ST7: variants seen among roughly 807,000 people sequenced by gnomAD.
ST7 encodes the protein suppressor of tumorigenicity 7 protein.
Under a neutral mutation model 78.7 loss-of-function variants are expected in ST7, and 28 were observed. That is an observed-to-expected ratio of 0.36 (90% confidence interval 0.26 to 0.49). The LOEUF is 0.49. Among genes scored for constraint, ST7 ranks in the 20% least tolerant of loss-of-function variants. The pLI, the probability that ST7 is intolerant of heterozygous loss-of-function variation, is 0.99. For missense variants in ST7, 418 were observed against 696.0 expected, an observed-to-expected ratio of 0.60 and a Z score of 4.49; for synonymous variants, 247 against 249.6, an observed-to-expected ratio of 0.99 and a Z score of 0.10.
chr7:117,114,948 C>T (rs1234078953), intron 2 of ST7, among the ~76,000 whole-genome samples: 1 of 152,166 alleles, frequency 6.6e-6, no homozygotes, highest in Admixed American at 6.5e-5. Flanking sequence ...CCCCCAGCTC[C>T]CAGCCCCAGT....
intron 7 of ST7, among the ~76,000 whole-genome samples, chr7:117,135,304 T>A (rs1384969104): frequency 6.6e-6 from 1 of 152,104 alleles, no homozygotes; most frequent in Non-Finnish European, 1.5e-5. Context: ...TGAGATGATA[T>A]ATGTTAAGTG....
intron 10 of ST7, among the ~76,000 whole-genome samples, chr7:117,187,131 A>G (rs962167260): frequency 6.6e-6 from 1 of 152,226 alleles, no homozygotes; most frequent in African/African-American, 2.4e-5. Context: ...TGCTATTACC[A>G]AGTAGATGTA....
chr7:116,982,855 A>G (rs1415776744), intron 1 of ST7, among the ~76,000 whole-genome samples: 1 of 152,162 alleles, frequency 6.6e-6, no homozygotes, highest in African/African-American at 2.4e-5. Flanking sequence ...AAGGGAATAT[A>G]TGTATATATT....
At chr7:117,173,927 G>A (rs1027429922) in intron 10 of ST7, among the ~76,000 whole-genome samples, 12 of 151,946 alleles carry the variant, frequency 7.9e-5, no homozygotes, top group Admixed American at 2.6e-4. Flanking sequence ...GCCAGGGATG[G>A]GGGTGTCGAA....
chr7:117,143,894 A>G (rs1223696116), intron 9 of ST7, among the ~76,000 whole-genome samples: 1 of 152,200 alleles, frequency 6.6e-6, no homozygotes, highest in Non-Finnish European at 1.5e-5. Flanking sequence ...CCATTTTTTC[A>G]ATTAAAAATA....
chr7:117,222,905 C>A (rs1793199283), intron 15 of ST7: 1 of 1,613,992 alleles, frequency 6.2e-7, no homozygotes, highest in Admixed American at 1.7e-5. Context: ...ACTGGAATTG[C>A]AAGAGTATTT....
At chr7:117,055,370 T>C (rs546385185) in intron 1 of ST7, among the ~76,000 whole-genome samples, 18 of 152,168 alleles carry the variant, frequency 1.2e-4, no homozygotes, top group African/African-American at 4.3e-4. Flanking sequence ...ACCTGGCTAA[T>C]TTTTTGTATT....
In ST7 at chr7:117,119,677, T is replaced by C; in HGVS notation, c.351T>C (p.Asn117=). 1 of 1,613,754 alleles carries C rather than the reference T, an allele frequency of 6.2e-7. No homozygotes were observed. Among genetic ancestry groups the C allele is most frequent in the Non-Finnish European group, 8.5e-7 (1 of 1,179,964 alleles). ...ACAACAACTCTTCCAACAATTCTAA[T>C]TCCAGTAACGGGGACTCAGATTCCA... ...GVDNNSSNNS[N]SSNGDSDSNR... is the part of the protein sequence containing the mutation. Residue 117 remains asparagine, a synonymous_variant, in exon 3 of 16, where the codon AAT becomes AAC. Coordinates refer to ENST00000323984, the MANE Select transcript of ST7 (RefSeq NM_001369598.1).
intron 2 of ST7, 65 bp downstream of exon 2, chr7:117,099,909 A>G: frequency 1.6e-6 from 2 of 1,283,738 alleles, no homozygotes; most frequent in Non-Finnish European, 2.2e-6. Context: ...TAGTGTATGT[A>G]CAGTAAAAAA....
At chr7:117,133,816 C>T (rs1475184747) in intron 6 of ST7, among the ~76,000 whole-genome samples, 3 of 151,696 alleles carry the variant, frequency 2.0e-5, no homozygotes, top group African/African-American at 7.3e-5. Context: ...TAAAATATGT[C>T]CTTTAAAAAT....
At chr7:117,129,099 A>G (rs1804114763) in intron 3 of ST7, among the ~76,000 whole-genome samples, 1 of 151,822 alleles carries the variant, frequency 6.6e-6, no homozygotes, top group Non-Finnish European at 1.5e-5. Context: ...CTTTTGTTCT[A>G]AATTTCTGTG....
At chr7:117,055,163 T>A (rs931562432) in intron 1 of ST7, among the ~76,000 whole-genome samples, 1 of 152,124 alleles carries the variant, frequency 6.6e-6, no homozygotes, top group Non-Finnish European at 1.5e-5. Context: ...ACTGTTGTTA[T>A]CTCCCAATTT....
chr7:117,176,894 G>A (rs1332493747), intron 10 of ST7, among the ~76,000 whole-genome samples: 3 of 152,200 alleles, frequency 2.0e-5, no homozygotes, highest in Non-Finnish European at 4.4e-5. Flanking sequence ...TTGGTATGCT[G>A]TCAGTTTCTA....
intron 12 of ST7, among the ~76,000 whole-genome samples, chr7:117,201,311 A>C (rs549193179): frequency 1.1e-4 from 16 of 152,304 alleles, no homozygotes; most frequent in African/African-American, 3.4e-4. Flanking sequence ...GTTTTTAGCC[A>C]CATTTCTCAG....
intron 1 of ST7, among the ~76,000 whole-genome samples, chr7:117,013,925 A>G (rs1795486221): frequency 6.6e-6 from 1 of 152,266 alleles, no homozygotes; most frequent in Non-Finnish European, 1.5e-5. Flanking sequence ...AATTTGTATT[A>G]CGCACTTTTG....
intron 1 of ST7, among the ~76,000 whole-genome samples, chr7:117,032,888 T>C (rs1796675126): frequency 6.6e-6 from 1 of 152,226 alleles, no homozygotes; most frequent in Admixed American, 6.5e-5. Flanking sequence ...TTTTCTAAGT[T>C]AGTTCCAGGC....
intron 1 of ST7, among the ~76,000 whole-genome samples, chr7:117,075,953 C>G (rs150895173): frequency 2.3e-3 from 347 of 152,332 alleles, no homozygotes; most frequent in African/African-American, 7.7e-3. Context: ...AGAACTGAAA[C>G]CAGATCCCTG....
intron 9 of ST7, among the ~76,000 whole-genome samples, chr7:117,161,013 G>T (rs1807099027): frequency 6.6e-6 from 1 of 151,976 alleles, no homozygotes; most frequent in African/African-American, 2.4e-5. Context: ...TATTATTATA[G>T]AATTCAAGTA....
At chr7:117,162,743 C>T (rs1807256646) in intron 9 of ST7, among the ~76,000 whole-genome samples, 1 of 152,014 alleles carries the variant, frequency 6.6e-6, no homozygotes. Flanking sequence ...TTGGCTTTTA[C>T]ATCTTATTCC....
Sources: allele counts gnomAD v4.1 joint callset (sites outside exome capture counted in the v4.1 genomes callset), GRCh38; gene constraint gnomAD v4.1.1; transcripts MANE v1.5; gene names NCBI Gene and HGNC (gene_info 2026-07-23, HGNC 2026-07-21).